RUNX1: variants seen among roughly 807,000 people sequenced by gnomAD.
RUNX1 encodes the protein runt-related transcription factor 1.
A neutral mutation model predicts 42.8 loss-of-function variants in RUNX1; 19 were observed. That is an observed-to-expected ratio of 0.44 (90% CI 0.31 to 0.65). The LOEUF (loss-of-function observed/expected upper bound fraction) is 0.65. Ranked by LOEUF, RUNX1 falls within the 30% of genes least tolerant of loss-of-function variation. The pLI, the probability that RUNX1 is intolerant of heterozygous loss-of-function variation, is 0.07. For missense variants in RUNX1, 528 were observed against 672.0 expected (o/e 0.79, Z 2.37); for synonymous variants, 271 against 289.4 (o/e 0.94, Z 0.64).
Position 34,913,897 on chromosome 21 carries a change from C to T in RUNX1, c.59-20934G>A, listed in dbSNP as rs946237907. 5.3e-5 allele frequency among the ~76,000 whole-genome samples: 8 copies of T among 152,062 alleles called. No homozygotes were observed. In the South Asian group the frequency reaches 8.3e-4, roughly 16 times the overall value. On this transcript the variant is annotated intron_variant, in intron 2 of 8. Coordinates refer to ENST00000675419, the MANE Select transcript of RUNX1 (RefSeq NM_001754.5). ...ATAAAAGGAAAGGCTTTTTACATGG[C>T]GTGTTGTCTAAAAATCTAAACCATA...
intron 2 of RUNX1, among the ~76,000 whole-genome samples, chr21:34,942,152 C>T (rs988877230): frequency 5.3e-5 from 8 of 152,040 alleles, no homozygotes; most frequent in South Asian, 2.1e-4. Flanking sequence ...CCCGAGGTTC[C>T]GCCTATGTTG....
rs2056606301 is a variant in RUNX1 at position 34,801,432 on chromosome 21, G to A, written c.806-1970C>T. Among the ~76,000 whole-genome samples the A allele has an allele frequency of 3.3e-5, 5 of 152,310 alleles. No individual in the cohort carries two copies. The South Asian group carries it at 8.3e-4, about 25-fold the overall frequency. ...TTTTCTAAACTCATAATTAAACCATGCAAACGTTGCATAATATTTCACAGC... is the reference window on the plus strand; with the variant it reads ...TTTTCTAAACTCATAATTAAACCATACAAACGTTGCATAATATTTCACAGC... On this transcript the variant is annotated intron_variant, in intron 7 of 8. Transcript: ENST00000675419.
chr21:35,020,223 C>T lies in RUNX1; in HGVS notation c.58+28619G>A, dbSNP rs2059188501. On this transcript the variant is annotated intron_variant, in intron 2 of 8. Coordinates refer to ENST00000675419, the MANE Select transcript of RUNX1 (RefSeq NM_001754.5). ...CTCTATAGAAAGTTTTCATTAGTTC[C>T]TCCCCGACCTTACTTTCCAGAGGAC... Among the ~76,000 whole-genome samples, 3 of 151,952 alleles carry T rather than the reference C, an allele frequency of 2.0e-5. No individual in the cohort carries two copies. The South Asian group carries it at 6.2e-4, about 32-fold the overall frequency.
chr21:35,008,049 C>T (rs1199492163), intron 2 of RUNX1, among the ~76,000 whole-genome samples: 1 of 152,184 alleles, frequency 6.6e-6, no homozygotes, highest in Non-Finnish European at 1.5e-5. Flanking sequence ...ACATGCTGTA[C>T]CTTTTTAGCT....
intron 2 of RUNX1, among the ~76,000 whole-genome samples, chr21:35,029,500 C>G (rs533670158): frequency 1.3e-5 from 2 of 152,292 alleles, no homozygotes; most frequent in Non-Finnish European, 2.9e-5. Flanking sequence ...TTATGGAGAC[C>G]ACCTGAGAGA....
chr21:34,867,980 T>C (rs1569069088), intron 5 of RUNX1, among the ~76,000 whole-genome samples: 1 of 152,004 alleles, frequency 6.6e-6, no homozygotes, highest in Non-Finnish European at 1.5e-5. Context: ...GCCGGGTGCC[T>C]CAAACACACA....
rs55761346 is a variant in RUNX1 at position 34,790,450 on chromosome 21, CAT to C, written c.*1683_*1684del. On this transcript the variant is annotated 3_prime_UTR_variant, in exon 9 of 9. Transcript: ENST00000675419. ...TAACCACCAGATCATTTGGAGCACA[CAT>C]GTGTCAAAATCAGCAGTTAGTATTT... The C allele has an allele frequency of 2.3e-3, 527 of 233,738 alleles. 3 individuals are homozygous for C. The highest frequency in any genetic ancestry group is 0.011 in the East Asian group (180 of 16,592). 14.5% of individuals were successfully genotyped at this position (233,738 alleles called of 1,614,324 possible).
chr21:34,917,454 T>G (rs2058320184), intron 2 of RUNX1, among the ~76,000 whole-genome samples: 1 of 152,196 alleles, frequency 6.6e-6, no homozygotes, highest in Non-Finnish European at 1.5e-5. Flanking sequence ...AATTCTGCAT[T>G]AGCATTCTAC....
At chr21:34,841,590 G>A (rs1023729821) in intron 6 of RUNX1, among the ~76,000 whole-genome samples, 2 of 152,138 alleles carry the variant, frequency 1.3e-5, no homozygotes, top group African/African-American at 4.8e-5. Flanking sequence ...CTTGAAACTA[G>A]AAGGCAGATA....
intron 5 of RUNX1, among the ~76,000 whole-genome samples, chr21:34,879,554 T>C (rs555735508): frequency 1.5e-4 from 23 of 152,310 alleles, no homozygotes; most frequent in Admixed American, 3.9e-4. Context: ...TGTTGTTTGA[T>C]TGGTGCTTCC....
At chr21:34,955,532 C>T (rs1244025299) in intron 2 of RUNX1, among the ~76,000 whole-genome samples, 53 of 152,130 alleles carry the variant, frequency 3.5e-4, no homozygotes, top group Admixed American at 3.4e-3. Flanking sequence ...GGCAGGCACA[C>T]TGAATGTAAC....
chr21:34,818,561 G>T lies in RUNX1; in HGVS notation c.805+15849C>A, dbSNP rs868006198. On this transcript the variant is annotated intron_variant, in intron 7 of 8. Transcript: ENST00000675419. ...ACAAGGCCCTCATTGTCTCAGACAG[G>T]TGTGAGATTGGACTTGATTCGGGGC... Among the ~76,000 whole-genome samples, 8 of 152,278 alleles carry T rather than the reference G, an allele frequency of 5.3e-5. 1 individual carries two copies. In the South Asian group the frequency reaches 6.2e-4, roughly 12 times the overall value.
At chr21:34,889,861 T>C (rs969582085) in intron 3 of RUNX1, 3 of 1,086,026 alleles carry the variant, frequency 2.8e-6, no homozygotes, top group Middle Eastern at 3.1e-4. Flanking sequence ...ACGCCCTCCC[T>C]GCCGGGCCCT....
chr21:34,980,214 T>G (rs2058837207), intron 2 of RUNX1, among the ~76,000 whole-genome samples: 3 of 152,178 alleles, frequency 2.0e-5, no homozygotes, highest in Admixed American at 2.0e-4. Context: ...TGGACGAAGT[T>G]CTCTGGAACC....
At chr21:34,878,641 T>C (rs1203724459) in intron 5 of RUNX1, among the ~76,000 whole-genome samples, 1 of 152,228 alleles carries the variant, frequency 6.6e-6, no homozygotes, top group Admixed American at 6.5e-5. Flanking sequence ...CTGGCACGAA[T>C]CCTGCAGCCA....
chr21:34,847,528 G>A (rs1164211834), intron 6 of RUNX1, among the ~76,000 whole-genome samples: 1 of 151,468 alleles, frequency 6.6e-6, no homozygotes, highest in Admixed American at 6.6e-5. Context: ...TTATCTAATT[G>A]ACAGACTACT....
intron 2 of RUNX1, among the ~76,000 whole-genome samples, chr21:34,909,596 A>AAAAAAAAAAAAAAAAAAAAAC (rs2058255416): frequency 6.6e-6 from 1 of 151,110 alleles, no homozygotes; most frequent in African/African-American, 2.5e-5. Context: ...CTCAAAAAAA[A>AAAAAAAAAAAAAAAAAAAAAC]AAAAAAAAAA....
At chr21:34,976,634 A>G (rs551693467) in intron 2 of RUNX1, among the ~76,000 whole-genome samples, 91 of 152,330 alleles carry the variant, frequency 6.0e-4, no homozygotes, top group Non-Finnish European at 1.1e-3. Flanking sequence ...GAGGACGGAT[A>G]CAATCTCCTA....
chr21:35,021,463 T>C (rs767181654), intron 2 of RUNX1, among the ~76,000 whole-genome samples: 2 of 152,240 alleles, frequency 1.3e-5, no homozygotes, highest in Non-Finnish European at 2.9e-5. Context: ...GCTCCAAACA[T>C]AGTCACTTAA....
Sources: allele counts gnomAD v4.1 joint callset (sites outside exome capture counted in the v4.1 genomes callset), GRCh38; gene constraint gnomAD v4.1.1; transcripts MANE v1.5; gene names NCBI Gene and HGNC (gene_info 2026-07-23, HGNC 2026-07-21).